PCBP3: variants seen among roughly 807,000 people sequenced by gnomAD.
PCBP3 encodes the protein poly(rC)-binding protein 3.
In PCBP3, 25 loss-of-function variants were observed where a neutral mutation model predicts 52.7. The ratio of observed to expected loss-of-function variants is 0.47; its 90% CI spans 0.35 to 0.66. The LOEUF is 0.66. PCBP3 is among the 30% of genes least tolerant of loss of function. PCBP3 has a pLI of 0.01. For missense variants in PCBP3, 391 were observed against 490.3 expected (o/e 0.80, Z 1.91); for synonymous variants, 162 against 183.0 (o/e 0.89, Z 0.93).
chr21:45,816,020 T>TGGTG (rs1340995581), intron 4 of PCBP3, among the ~76,000 whole-genome samples: 3 of 89,708 alleles, frequency 3.3e-5, no homozygotes, highest in African/African-American at 4.6e-5. Context: ...GAGTGGTGAG[T>TGGTG]AGTGAGTGGT....
intron 4 of PCBP3, among the ~76,000 whole-genome samples, chr21:45,813,200 T>C (rs2092730448): frequency 6.6e-6 from 1 of 152,232 alleles, no homozygotes; most frequent in South Asian, 2.1e-4. Flanking sequence ...GTTCTGTTGT[T>C]TTATTTTTAA....
intron 13 of PCBP3, among the ~76,000 whole-genome samples, chr21:45,927,482 T>C (rs1178164704): frequency 6.7e-6 from 1 of 149,232 alleles, no homozygotes; most frequent in African/African-American, 2.5e-5. Context: ...CCTTGGCACT[T>C]AGTCCTGTTC....
chr21:45,875,462 G>A (rs910169010), intron 5 of PCBP3, among the ~76,000 whole-genome samples: 5 of 152,178 alleles, frequency 3.3e-5, no homozygotes, highest in East Asian at 1.9e-4. Flanking sequence ...GTCACACAAC[G>A]TCAGAAAACT....
chr21:45,667,477 TGC>T (rs1233605090), intron 1 of PCBP3, among the ~76,000 whole-genome samples: 2 of 152,242 alleles, frequency 1.3e-5, no homozygotes, highest in Non-Finnish European at 2.9e-5. Flanking sequence ...CTAATGAATG[TGC>T]TATTTCAATT....
chr21:45,698,275 AGT>A (rs1254545056), intron 2 of PCBP3, among the ~76,000 whole-genome samples: 1 of 152,010 alleles, frequency 6.6e-6, no homozygotes, highest in African/African-American at 2.4e-5. Flanking sequence ...TTGTTTGTGG[AGT>A]GTGTGCTCTT....
rs966450571 is a variant in PCBP3, at chr21:45,658,965, C to T, written c.-278-9909C>T. ...TGGCCATCAGTTGTTCATAATATTT[C>T]TTTATAGTCCTTTTATTTCTGTAAG... is the stretch of plus-strand genomic sequence containing the variant. On this transcript the variant is annotated intron_variant, in intron 1 of 17. Coordinates refer to ENST00000681687, the MANE Select transcript of PCBP3 (RefSeq NM_001384156.1). Among the ~76,000 whole-genome samples the T allele has an allele frequency of 5.3e-5, 8 of 150,348 alleles. No homozygotes were observed. The South Asian group carries it at 1.5e-3, about 28-fold the overall frequency.
At chr21:45,849,848 G>A (rs1161891443) in intron 4 of PCBP3, 113 bp from the exon 5 acceptor site, 1 of 554,268 alleles carries the variant, frequency 1.8e-6, no homozygotes, top group East Asian at 3.0e-5. Context: ...CTCGAATGCT[G>A]AAGAGGTGTT....
chr21:45,792,524 G>A lies in PCBP3; in HGVS notation c.-126+37072G>A, dbSNP rs548765205. Among the ~76,000 whole-genome samples, 22 of 152,366 alleles carry A rather than the reference G, an allele frequency of 1.4e-4. No homozygotes were observed. The South Asian group carries it at 3.9e-3, about 27-fold the overall frequency. On this transcript the variant is annotated intron_variant, in intron 4 of 17. Coordinates refer to ENST00000681687, the MANE Select transcript of PCBP3 (RefSeq NM_001384156.1). Reference sequence around the variant, plus strand: ...GGTGATTGTAACAGGATGGTCACCTGAGAACAGTCATCTACTGACACCCTG... The same window carrying A: ...GGTGATTGTAACAGGATGGTCACCTAAGAACAGTCATCTACTGACACCCTG...
At position 45,821,831 on chromosome 21, in the gene PCBP3, C is replaced by T. The variant is rs547145399; in HGVS notation, c.-125-28130C>T. ...GCAGCAGAGCCCAGCCCTGGCCCTT[C>T]GAGCTTCCGTCCTGCAAGCACCGGC... On this transcript the variant is annotated intron_variant, in intron 4 of 17. Coordinates refer to ENST00000681687, the MANE Select transcript of PCBP3 (RefSeq NM_001384156.1). This position sits in a 1 kb window ranked among gnomAD's most constrained non-coding sequence, Gnocchi z 4.4. Among the ~76,000 whole-genome samples, 264 of 152,318 alleles carry T rather than the reference C, an allele frequency of 1.7e-3. 1 individual carries two copies. The highest frequency in any genetic ancestry group is 6.0e-3 in the African/African-American group (250 of 41,564).
At chr21:45,819,944 C>T (rs1464745907) in intron 4 of PCBP3, among the ~76,000 whole-genome samples, 2 of 152,226 alleles carry the variant, frequency 1.3e-5, no homozygotes, top group Non-Finnish European at 1.5e-5. Flanking sequence ...TCTGAAGGTC[C>T]AGGGCCTGGC....
chr21:45,759,572 A>C (rs1236791366), intron 4 of PCBP3, among the ~76,000 whole-genome samples: 2 of 152,166 alleles, frequency 1.3e-5, no homozygotes, highest in South Asian at 4.1e-4. Flanking sequence ...ACTGTAATCC[A>C]CAGTAGACAG....
At chr21:45,870,285 A>G (rs2094946506) in intron 5 of PCBP3, among the ~76,000 whole-genome samples, 1 of 152,136 alleles carries the variant, frequency 6.6e-6, no homozygotes, top group Non-Finnish European at 1.5e-5. Flanking sequence ...AGCAGATACC[A>G]TTTGTCATAT....
intron 10 of PCBP3, among the ~76,000 whole-genome samples, chr21:45,909,875 A>ACC (rs1169289037): frequency 3.7e-5 from 2 of 54,774 alleles, no homozygotes; most frequent in Non-Finnish European, 3.3e-5. Context: ...CCAGATACGG[A>ACC]CCCGGCCACC....
chr21:45,782,051 ATT>A (rs35855260), intron 4 of PCBP3, among the ~76,000 whole-genome samples: 4 of 151,306 alleles, frequency 2.6e-5, no homozygotes, highest in South Asian at 4.2e-4. Context: ...CTCAAAGCTG[ATT>A]TTTTTTTTCC....
intron 16 of PCBP3, among the ~76,000 whole-genome samples, chr21:45,937,591 G>C (rs1471424591): frequency 6.6e-6 from 1 of 152,240 alleles, no homozygotes; most frequent in East Asian, 1.9e-4. Context: ...ATTAGGAGGG[G>C]CCACATTATT....
At chr21:45,883,650 C>G (rs1354147407) in intron 5 of PCBP3, among the ~76,000 whole-genome samples, 1 of 152,192 alleles carries the variant, frequency 6.6e-6, no homozygotes, top group Non-Finnish European at 1.5e-5. Context: ...TGTCTCTGAT[C>G]ATTTTCATTG....
At chr21:45,931,693 C>T (rs7282462) in intron 15 of PCBP3, among the ~76,000 whole-genome samples, 1 of 135,992 alleles carries the variant, frequency 7.4e-6, no homozygotes, top group South Asian at 2.2e-4. Flanking sequence ...ACAAACACGT[C>T]GGCCATGCTG....
rs1273195327 is a variant in PCBP3 at position 45,910,940 on chromosome 21, G to A, written c.510G>A (p.Leu170=). The change falls in exon 11 of 18, where the codon CTG becomes CTA. Residue 170 remains leucine, a synonymous_variant. Coordinates refer to ENST00000681687, the MANE Select transcript of PCBP3 (RefSeq NM_001384156.1). ...AGGTGCAGGTGGCTGGGGACATGCT[G>A]CCCAACTCCACGGAGCGAGCGGTGA... ...GAQVQVAGDM[L]PNSTERAVTI... 2 of 1,611,452 alleles carry A rather than the reference G, an allele frequency of 1.2e-6. No individual in the cohort carries two copies. The highest frequency in any genetic ancestry group is 2.2e-5 in the East Asian group (1 of 44,862).
intron 5 of PCBP3, among the ~76,000 whole-genome samples, chr21:45,888,550 G>A (rs2095576228): frequency 6.6e-6 from 1 of 152,180 alleles, no homozygotes; most frequent in Non-Finnish European, 1.5e-5. Flanking sequence ...CTTCCCCACG[G>A]CAGATGCCTG....
Sources: allele counts gnomAD v4.1 joint callset (sites outside exome capture counted in the v4.1 genomes callset), GRCh38; gene constraint gnomAD v4.1.1; non-coding constraint Gnocchi (gnomAD v3.1); transcripts MANE v1.5; gene names NCBI Gene and HGNC (gene_info 2026-07-23, HGNC 2026-07-21).